The following IL1RAPL2 variants were observed in gnomAD, a reference collection of about 807,000 sequenced individuals.
IL1RAPL2 encodes X-linked interleukin-1 receptor accessory protein-like 2.
IL1RAPL2 carries 3 observed loss-of-function variants against 44.1 expected under a neutral mutation model. That is an observed-to-expected ratio of 0.07 (90% CI 0.03 to 0.18). The LOEUF (loss-of-function observed/expected upper bound fraction) is 0.18. Ranked by LOEUF, IL1RAPL2 falls within the 10% of genes least tolerant of loss-of-function variation. The probability of loss-of-function intolerance (pLI) is 1.00; values close to 1 mark genes in which losing one functional copy is unlikely to be tolerated. For synonymous variants in IL1RAPL2, 181 were observed against 178.8 expected, an observed-to-expected ratio of 1.01 and a Z score of -0.10; for missense variants, 391 against 496.4, an observed-to-expected ratio of 0.79 and a Z score of 2.02.
intron 2 of IL1RAPL2, among the ~76,000 whole-genome samples, chrX:104,719,017 TAG>T: frequency 8.9e-6 from 1 of 112,155 alleles, no homozygotes; most frequent in Non-Finnish European, 1.9e-5. Context: ...CTGCTTTAAA[TAG>T]AGAGACTCCC....
chrX:105,296,221 A>C (rs1470063392), intron 5 of IL1RAPL2, among the ~76,000 whole-genome samples: 2 of 109,850 alleles, frequency 1.8e-5, no homozygotes, highest in African/African-American at 6.6e-5. Flanking sequence ...TGTACTACTT[A>C]CTCTTCCTAG....
At chrX:104,755,371 A>G (rs865837536) in intron 2 of IL1RAPL2, among the ~76,000 whole-genome samples, 4 of 109,456 alleles carry the variant, frequency 3.7e-5, no homozygotes, top group African/African-American at 1.3e-4. Context: ...ACAGAGTCAA[A>G]ATGTGAACCT....
intron 5 of IL1RAPL2, among the ~76,000 whole-genome samples, chrX:105,352,462 A>G (rs1194615321): frequency 8.9e-6 from 1 of 111,886 alleles, no homozygotes; most frequent in Non-Finnish European, 1.9e-5. Context: ...TTATCAGCAT[A>G]TCTTAAAAGA....
chrX:105,162,487 T>C (rs1569395502), intron 2 of IL1RAPL2, among the ~76,000 whole-genome samples: 1 of 112,324 alleles, frequency 8.9e-6, no homozygotes, highest in East Asian at 2.8e-4. Context: ...TAAACACAAC[T>C]TTCCTTAAGC....
intron 2 of IL1RAPL2, among the ~76,000 whole-genome samples, chrX:104,992,837 A>G (rs2030686729): frequency 9.0e-6 from 1 of 111,523 alleles, no homozygotes; most frequent in Admixed American, 9.6e-5. Context: ...CTCCTAGCTC[A>G]AGCAGTATTG....
intron 6 of IL1RAPL2, among the ~76,000 whole-genome samples, chrX:105,667,111 C>T (rs969020028): frequency 3.6e-4 from 40 of 112,328 alleles, no homozygotes; most frequent in Non-Finnish European, 5.1e-4. Context: ...CATAGCTTGG[C>T]ACTGATCACG....
At chrX:105,451,180 C>G (rs2036017434) in intron 5 of IL1RAPL2, among the ~76,000 whole-genome samples, 1 of 111,326 alleles carries the variant, frequency 9.0e-6, no homozygotes, top group Admixed American at 9.6e-5. Context: ...AGTTTATTCT[C>G]TAAAATACAG....
At chrX:104,996,279 C>A (rs935363249) in intron 2 of IL1RAPL2, among the ~76,000 whole-genome samples, 1 of 111,909 alleles carries the variant, frequency 8.9e-6, no homozygotes, top group African/African-American at 3.2e-5. Context: ...GATTAAAAAA[C>A]AGATCAATGA....
chrX:105,378,744 T>A (rs1166913347), intron 5 of IL1RAPL2, among the ~76,000 whole-genome samples: 2 of 112,191 alleles, frequency 1.8e-5, no homozygotes, highest in Non-Finnish European at 3.8e-5. Context: ...GCCATTTACC[T>A]TCTATTCTCT....
chrX:104,993,864 C>T (rs1009328849), intron 2 of IL1RAPL2, among the ~76,000 whole-genome samples: 5 of 111,837 alleles, frequency 4.5e-5, no homozygotes, highest in Admixed American at 3.8e-4. Context: ...AGAGAACTCA[C>T]TCTTAACCAC....
chrX:105,170,643 A>G lies in IL1RAPL2; in HGVS notation c.83-24832A>G, dbSNP rs140757207. Among the ~76,000 whole-genome samples, 464 of 111,966 alleles carry G rather than the reference A, an allele frequency of 4.1e-3. 1 individual carries two copies. The highest frequency in any genetic ancestry group is 5.8e-3 in the Non-Finnish European group (311 of 53,228). On this transcript the variant is annotated intron_variant, in intron 2 of 10. Transcript: ENST00000372582. Reference sequence around the variant, plus strand: ...TTCCCCAAGAAAACTTAGCTAAGCCATAACAGGAGTAGTAAGTGGACCTAG... The same window carrying G: ...TTCCCCAAGAAAACTTAGCTAAGCCGTAACAGGAGTAGTAAGTGGACCTAG...
In IL1RAPL2 at chrX:104,797,756, A is replaced by T. The variant is rs766425658; in HGVS notation, c.82+138761A>T. Among the ~76,000 whole-genome samples, 4 of 112,288 alleles carry T rather than the reference A, an allele frequency of 3.6e-5. No individual in the cohort carries two copies. In the East Asian group the frequency reaches 1.1e-3, roughly 31 times the overall value. Reference sequence around the variant, plus strand: ...TCAGTATTGCTGGTTAGCCTTCTCCAAAATTAAAATTGCTGTGCTAAGACA... The same window carrying T: ...TCAGTATTGCTGGTTAGCCTTCTCCTAAATTAAAATTGCTGTGCTAAGACA... On this transcript the variant is annotated intron_variant, in intron 2 of 10. Coordinates refer to ENST00000372582, the MANE Select transcript of IL1RAPL2 (RefSeq NM_017416.2).
rs911995690 is a variant in IL1RAPL2 at position 104,601,380 on chromosome X, G to A, written c.-20+34329G>A. Among the ~76,000 whole-genome samples, 5 of 108,819 alleles carry A rather than the reference G, an allele frequency of 4.6e-5. 1 individual carries two copies. The Admixed American group carries it at 4.9e-4, about 11-fold the overall frequency. The allele number at this position is 108,819 out of a possible 115,157, so 94.5% of individuals were successfully genotyped here. A position where few individuals can be genotyped will look rare whatever the true frequency, so the allele number is the denominator to read the frequency against. On this transcript the variant is annotated intron_variant, in intron 1 of 10. Transcript: ENST00000372582. The stretch of plus-strand genomic sequence containing the variant: ...CTATTAGTGAGAACATGTGGTGTTT[G>A]GTTTTTTGTCCTTGCGATAGTTTGC...
intron 2 of IL1RAPL2, among the ~76,000 whole-genome samples, chrX:105,168,414 GGTGTGTGTGTGTGTGTGT>G (rs57882187): frequency 1.1e-5 from 1 of 89,358 alleles, no homozygotes; most frequent in East Asian, 3.6e-4. Context: ...AACCATAGGA[GGTGTGTGTGTGTGTGTGT>G]GTGTGTGTGT....
At chrX:105,425,354 A>T (rs767165896) in intron 5 of IL1RAPL2, among the ~76,000 whole-genome samples, 118 of 111,055 alleles carry the variant, frequency 1.1e-3, no homozygotes, top group African/African-American at 3.8e-3. Flanking sequence ...GGAAACAAAG[A>T]CGATGAGAGT....
intron 2 of IL1RAPL2, among the ~76,000 whole-genome samples, chrX:104,677,566 C>T (rs1280454431): frequency 8.9e-6 from 1 of 112,348 alleles, no homozygotes; most frequent in African/African-American, 3.2e-5. Context: ...CTGTGCCCTG[C>T]CCCCAGAGGT....
intron 2 of IL1RAPL2, among the ~76,000 whole-genome samples, chrX:104,731,056 T>C (rs1441517332): frequency 1.8e-5 from 2 of 111,779 alleles, no homozygotes; most frequent in African/African-American, 6.5e-5. Flanking sequence ...CTTTGCCCAA[T>C]TTTTGATGGG....
chrX:104,603,542 A>G (rs141999218), intron 1 of IL1RAPL2, among the ~76,000 whole-genome samples: 1,131 of 111,861 alleles, frequency 0.01, 16 homozygotes, highest in Middle Eastern at 0.023. Flanking sequence ...AATGCAAGGA[A>G]GTTAAGAACC....
intron 6 of IL1RAPL2, among the ~76,000 whole-genome samples, chrX:105,679,643 T>G (rs745489567): frequency 1.8e-5 from 2 of 111,815 alleles, no homozygotes; most frequent in South Asian, 7.4e-4. Flanking sequence ...CAAGGAACAA[T>G]GAACAATGAA....
Sources: gnomAD v4.1 joint callset for allele counts (sites outside exome capture counted in the v4.1 genomes callset) on GRCh38, gnomAD v4.1.1 for gene constraint, MANE v1.5 for transcripts, NCBI Gene and HGNC (gene_info 2026-07-23, HGNC 2026-07-21) for gene names.